CCDC171: variants seen among roughly 807,000 people sequenced by gnomAD.
CCDC171 encodes the protein coiled-coil domain-containing protein 171.
CCDC171 carries 177 observed loss-of-function variants against 168.2 expected under a neutral mutation model. The observed-to-expected ratio is 1.05, with a 90% CI of 0.93 to 1.19. The LOEUF (loss-of-function observed/expected upper bound fraction) is 1.19. CCDC171 is among the 50% of genes most tolerant of loss of function. The pLI is 0.00. For missense variants in CCDC171, 1,991 were observed against 1,539.0 expected (o/e 1.29, Z -4.91); for synonymous variants, 687 against 540.8 (o/e 1.27, Z -3.75).
intron 7 of CCDC171, among the ~76,000 whole-genome samples, chr9:15,632,494 A>G (rs1423376893): frequency 6.6e-6 from 1 of 152,172 alleles, no homozygotes; most frequent in African/African-American, 2.4e-5. Flanking sequence ...AAGGAGAGCT[A>G]CAAACCACTG....
chr9:15,759,346 A>G (rs530274375), intron 18 of CCDC171, among the ~76,000 whole-genome samples: 29 of 152,238 alleles, frequency 1.9e-4, no homozygotes, highest in Non-Finnish European at 3.5e-4. Context: ...CATTTCAAAG[A>G]CTGCATATTT....
intron 1 of CCDC171, among the ~76,000 whole-genome samples, chr9:16,044,253 A>G (rs1040259279): frequency 6.6e-6 from 1 of 152,204 alleles, no homozygotes; most frequent in Non-Finnish European, 1.5e-5. Flanking sequence ...ATTTTGTTCT[A>G]ATCTCCAACT....
intron 3 of CCDC171, among the ~76,000 whole-genome samples, chr9:16,006,686 G>T (rs1832706433): frequency 1.3e-5 from 2 of 151,768 alleles, no homozygotes; most frequent in Admixed American, 6.6e-5. Context: ...GCAGTGTTTG[G>T]TTTTTTGTCC....
intron 9 of CCDC171, among the ~76,000 whole-genome samples, chr9:15,672,177 G>T (rs979025532): frequency 1.3e-5 from 2 of 152,052 alleles, no homozygotes; most frequent in African/African-American, 4.8e-5. Context: ...CATATCCTTT[G>T]CCCACTTTTT....
chr9:15,947,705 T>A (rs542021328), intron 25 of CCDC171, among the ~76,000 whole-genome samples: 1 of 152,206 alleles, frequency 6.6e-6, no homozygotes, highest in South Asian at 2.1e-4. Flanking sequence ...CTACTTTCAA[T>A]TCTTTCAGGG....
At chr9:15,588,405 A>G (rs2041735031) in intron 4 of CCDC171, 2 of 283,886 alleles carry the variant, frequency 7.0e-6, no homozygotes, top group South Asian at 3.9e-5. Context: ...AAGCCAAGCT[A>G]CAGAGAAGAT....
At chr9:15,875,570 A>G (rs530438886) in intron 24 of CCDC171, 12 of 152,106 alleles carry the variant, frequency 7.9e-5, no homozygotes, top group Non-Finnish European at 1.3e-4. Flanking sequence ...GTGTATTTAA[A>G]AGGAGAAATA....
intron 1 of CCDC171, among the ~76,000 whole-genome samples, chr9:16,056,278 T>G (rs1833838906): frequency 6.6e-6 from 1 of 152,242 alleles, no homozygotes; most frequent in Middle Eastern, 3.2e-3. Context: ...AACGGAACTT[T>G]CTACAACAAT....
chr9:15,758,428 C>T (rs903563862), intron 18 of CCDC171, among the ~76,000 whole-genome samples: 3 of 152,232 alleles, frequency 2.0e-5, no homozygotes, highest in Non-Finnish European at 2.9e-5. Flanking sequence ...CCTGTACCTC[C>T]ACTGTATCTA....
intron 24 of CCDC171, among the ~76,000 whole-genome samples, chr9:15,900,358 T>A (rs1821458525): frequency 6.6e-6 from 1 of 152,008 alleles, no homozygotes; most frequent in Non-Finnish European, 1.5e-5. Flanking sequence ...GGGCAGAGAG[T>A]GATCCTGGGT....
chr9:15,620,259 CA>C (rs2044400227), intron 6 of CCDC171, among the ~76,000 whole-genome samples: 1 of 152,062 alleles, frequency 6.6e-6, no homozygotes, highest in South Asian at 2.1e-4. Flanking sequence ...TGGATCTAGG[CA>C]AATTAAATTG....
chr9:15,559,661 A>G (rs2132466421), intron 1 of CCDC171, among the ~76,000 whole-genome samples: 1 of 152,258 alleles, frequency 6.6e-6, no homozygotes, highest in East Asian at 1.9e-4. Flanking sequence ...AGTACAGCAC[A>G]CTGATGGGTC....
At chr9:16,045,447 T>G (rs544186806) in intron 1 of CCDC171, among the ~76,000 whole-genome samples, 1 of 152,306 alleles carries the variant, frequency 6.6e-6, no homozygotes, top group South Asian at 2.1e-4. Flanking sequence ...GACCTCTACC[T>G]GCTAGGTGCT....
At chr9:15,558,995 G>T (rs1261380401) in intron 1 of CCDC171, among the ~76,000 whole-genome samples, 1 of 152,140 alleles carries the variant, frequency 6.6e-6, no homozygotes, top group Non-Finnish European at 1.5e-5. Context: ...TATGTACCCA[G>T]CAGTCATTCA....
intron 18 of CCDC171, among the ~76,000 whole-genome samples, chr9:15,750,642 A>T (rs992987549): frequency 2.0e-5 from 3 of 152,180 alleles, no homozygotes; most frequent in African/African-American, 7.2e-5. Context: ...ATTAATAAAC[A>T]TAATCCATCA....
At chr9:15,560,381 G>T (rs1346770035) in intron 1 of CCDC171, among the ~76,000 whole-genome samples, 54 of 151,856 alleles carry the variant, frequency 3.6e-4, no homozygotes, top group Non-Finnish European at 2.9e-5. Flanking sequence ...ACGTAGTTTT[G>T]GTCTTTTCAC....
At chr9:15,722,640 G>A (rs181551232) in intron 12 of CCDC171, among the ~76,000 whole-genome samples, 6 of 152,266 alleles carry the variant, frequency 3.9e-5, no homozygotes, top group African/African-American at 7.2e-5. Flanking sequence ...GGAATTTGGA[G>A]TTTATCCTTG....
rs555110674 is a variant in CCDC171, at chr9:15,849,017, A to C, written c.3468+70A>C. Reference sequence around the variant, plus strand: ...CCTAGTCATTATTTTTATTAGCCACAAAGTACTTTCATTGATTTTGAAAGT... The same window carrying C: ...CCTAGTCATTATTTTTATTAGCCACCAAGTACTTTCATTGATTTTGAAAGT... On this transcript the variant is annotated intron_variant, in intron 23 of 25. Transcript: ENST00000380701. 1.9e-3 allele frequency: 1,426 copies of C among 741,456 alleles called. 5 individuals carry two copies. The highest frequency in any genetic ancestry group is 2.8e-3 in the Non-Finnish European group (1,316 of 462,870). 45.9% of individuals were successfully genotyped at this position (741,456 alleles called of 1,614,324 possible). A position where few individuals can be genotyped will look rare whatever the true frequency, so the allele number is the denominator to read the frequency against.
At chr9:15,563,933 G>T in intron 1 of CCDC171, 45 bp from the exon 2 acceptor site, 1 of 602,038 alleles carries the variant, frequency 1.7e-6, no homozygotes, top group Non-Finnish European at 2.9e-6. Context: ...ATCTCCAATA[G>T]TATCAGGACT....
Sources: gnomAD v4.1 joint callset for allele counts (sites outside exome capture counted in the v4.1 genomes callset) on GRCh38, gnomAD v4.1.1 for gene constraint, MANE v1.5 for transcripts, NCBI Gene and HGNC (gene_info 2026-07-23, HGNC 2026-07-21) for gene names.